CHRD: variants seen among roughly 807,000 people sequenced by gnomAD.
The protein encoded by CHRD is chordin.
Under a neutral mutation model 113.7 loss-of-function variants are expected in CHRD, and 69 were observed. The ratio of observed to expected loss-of-function variants is 0.61; its 90% confidence interval spans 0.50 to 0.74. CHRD has a LOEUF of 0.74. CHRD is among the 30% of genes least tolerant of loss of function. CHRD has a pLI of 0.00. For synonymous variants in CHRD, 561 were observed against 540.8 expected (o/e 1.04, Z -0.52); for missense variants, 1,194 against 1,295.8 (o/e 0.92, Z 1.21).
chr3:184,383,457 C>T (rs1449960555), intron 11 of CHRD, 39 bp downstream of exon 11: 12 of 1,612,500 alleles, frequency 7.4e-6, no homozygotes, highest in South Asian at 6.6e-5. Context: ...GGAGGGGTGG[C>T]GTGGGCAGCA....
In CHRD at chr3:184,380,249, C is replaced by T. The variant is rs1031842483; in HGVS notation, c.-70C>T. The stretch of plus-strand genomic sequence containing the variant: ...GGCCCGGCCCTCCGCCCTCCGCACT[C>T]CCGCCTCCCTCCCTCCGCCCGCTCC... On this transcript the variant is annotated 5_prime_UTR_variant, in exon 1 of 23. Transcript: ENST00000204604. The surrounding 1 kb of genome is among the most constrained non-coding windows in gnomAD (Gnocchi z 6.3). 5.0e-6 allele frequency: 2 copies of T among 397,710 alleles called. No homozygotes were observed. Among genetic ancestry groups the T allele is most frequent in the Non-Finnish European group, 7.3e-6 (2 of 274,328 alleles). The allele number at this position is 397,710 out of a possible 1,614,324, so 24.6% of individuals were successfully genotyped here. A position where few individuals can be genotyped will look rare whatever the true frequency, so the allele number is the denominator to read the frequency against.
chr3:184,388,993 G>A lies in CHRD; in HGVS notation c.2810G>A (p.Arg937Gln), dbSNP rs774476759. 1.0e-5 allele frequency: 16 copies of A among 1,607,712 alleles called. No individual in the cohort carries two copies. The highest frequency in any genetic ancestry group is 1.6e-4 in the Middle Eastern group (1 of 6,078). The change falls in exon 22 of 23, where the codon CGG becomes CAG. Residue 937 changes from arginine (R) to glutamine (Q), a missense_variant and splice_region_variant. Physicochemically the swap from Arg to Gln is conservative, Grantham distance 43 (BLOSUM62 1). Transcript: ENST00000204604. This position sits in a 1 kb window ranked among gnomAD's most constrained non-coding sequence, Gnocchi z 6.1. ...TGTTCCCGCTGCACGGCCCACCGGC[G>A]GCGTAAGTGAGGGAGTCCAGGGTCA... is the stretch of plus-strand genomic sequence containing the variant.
Position 184,381,495 on chromosome 3 carries a change from G to A in CHRD, c.383-1G>A. On this transcript the variant is annotated splice_acceptor_variant, in intron 3 of 22. Coordinates refer to ENST00000204604, the Ensembl canonical transcript of CHRD. LOFTEE classifies it high-confidence loss of function. The surrounding 1 kb of genome is among the most constrained non-coding windows in gnomAD (Gnocchi z 4.7). ...CCGTGTTCTTACCCCCCCGCCCGCA[G>A]AGCGCAGCAGTTCGGAGCGGCAGCC... is the stretch of plus-strand genomic sequence containing the variant. 6.3e-7 allele frequency: 1 copy of A among 1,591,048 alleles called. No homozygotes were observed. The highest frequency in any genetic ancestry group is 8.6e-7 in the Non-Finnish European group (1 of 1,169,280).
chr3:184,381,324 G>A lies in CHRD; in HGVS notation c.342G>A (p.Pro114=), dbSNP rs1168101492. 2 of 1,606,796 alleles carry A rather than the reference G, an allele frequency of 1.2e-6. No homozygotes were observed. The highest frequency in any genetic ancestry group is 1.7e-5 in the Admixed American group (1 of 59,164). The change falls in exon 3 of 23, where the codon CCG becomes CCA. Residue 114 remains proline (P), a synonymous_variant. Transcript: ENST00000204604. The surrounding 1 kb of genome is among the most constrained non-coding windows in gnomAD (Gnocchi z 4.7). ...GCCCAACCCCGGCCTGTGGGCAGCC[G>A]CGCCAGCTGCCGGGACACTGCTGCC... is the stretch of plus-strand genomic sequence containing the variant.
In CHRD at chr3:184,381,594, G is replaced by A; in HGVS notation, c.481G>A (p.Glu161Lys). 1 of 1,608,028 alleles carries A rather than the reference G, an allele frequency of 6.2e-7. No homozygotes were observed. The highest frequency in any genetic ancestry group is 8.5e-7 in the Non-Finnish European group (1 of 1,177,346). Residue 161 changes from glutamate to lysine, a missense_variant, in exon 4 of 23, where the codon GAG becomes AAG. By Grantham distance (56) the Glu-to-Lys change is moderately conservative. Coordinates refer to ENST00000204604, the Ensembl canonical transcript of CHRD. This position sits in a 1 kb window ranked among gnomAD's most constrained non-coding sequence, Gnocchi z 4.7. ...TAGCGACCGCGGGGAGCCAGGCGCT[G>A]AGGAGCGGGCCCGTGGTGACGGCCA... is the stretch of plus-strand genomic sequence containing the variant.
Position 184,384,752 on chromosome 3 carries a change from G to A in CHRD, c.1597+59G>A, listed in dbSNP as rs901546578. On this transcript the variant is annotated intron_variant, in intron 13 of 22. Transcript: ENST00000204604. This position sits in a 1 kb window ranked among gnomAD's most constrained non-coding sequence, Gnocchi z 4.4. ...TTTCCTAGAACATTTGAGGGATGGT[G>A]GCAGACAGCCGGAGCCTGGTGTGTC... The A allele has an allele frequency of 2.0e-6, 3 of 1,500,664 alleles. No individual in the cohort carries two copies. The highest frequency in any genetic ancestry group is 4.6e-5 in the East Asian group (2 of 43,700). 93.0% of individuals were successfully genotyped at this position (1,500,664 alleles called of 1,614,324 possible).
At position 184,380,774 on chromosome 3, in the gene CHRD, C is replaced by A; in HGVS notation, c.231C>A (p.Cys77Ter). Residue 77 changes from cysteine to a stop codon, truncating the protein, a stop_gained, in exon 2 of 23, where the codon TGC becomes TGA. Transcript: ENST00000204604. LOFTEE classifies it high-confidence loss of function. This position sits in a 1 kb window ranked among gnomAD's most constrained non-coding sequence, Gnocchi z 6.3. ...GGGAGCCATTCGGGGTGATGCGCTG[C>A]GTGCTGTGCGCCTGCGAGGCGGTGA... The A allele has an allele frequency of 1.3e-6, 2 of 1,598,252 alleles. No homozygotes were observed. Among genetic ancestry groups the A allele is most frequent in the South Asian group, 1.1e-5 (1 of 90,016 alleles).
chr3:184,386,327 C>A, intron 15 of CHRD, 165 bp from the exon 16 acceptor site: 1 of 1,244,490 alleles, frequency 8.0e-7, no homozygotes. Context: ...GCTGGCAGCC[C>A]GGCACCCTAT....
chr3:184,382,042 G>A (rs759537584), intron 6 of CHRD, 22 bp downstream of exon 6: 4 of 1,612,702 alleles, frequency 2.5e-6, no homozygotes, highest in Non-Finnish European at 3.4e-6. Context: ...CCATTTATGA[G>A]CACTTGCCCA....
In CHRD at chr3:184,380,408, G is replaced by C. The variant is rs1560294091; in HGVS notation, c.90G>C (p.Glu30Asp). The change falls in exon 1 of 23, where the codon GAG becomes GAC. Residue 30 changes from glutamate to aspartate, a missense_variant. Glu to Asp is a conservative substitution (Grantham distance 45, BLOSUM62 2). Transcript: ENST00000204604. This position sits in a 1 kb window ranked among gnomAD's most constrained non-coding sequence, Gnocchi z 6.3. Reference sequence around the variant, plus strand: ...GGCCGGCCCGCGGCGCCGGCCCAGAGCCCCCCGTGCTGCCCATCCGTTCTG... The same window carrying C: ...GGCCGGCCCGCGGCGCCGGCCCAGACCCCCCCGTGCTGCCCATCCGTTCTG... 1.5e-6 allele frequency: 2 copies of C among 1,336,618 alleles called. No individual in the cohort carries two copies. Among genetic ancestry groups the C allele is most frequent in the South Asian group, 3.0e-5 (2 of 66,004 alleles). The allele number at this position is 1,336,618 out of a possible 1,614,324, so 82.8% of individuals were successfully genotyped here. A position where few individuals can be genotyped will look rare whatever the true frequency, so the allele number is the denominator to read the frequency against.
At chr3:184,385,715 A>G (rs968713007) in intron 14 of CHRD, among the ~76,000 whole-genome samples, 5 of 138,884 alleles carry the variant, frequency 3.6e-5, no homozygotes, top group South Asian at 2.4e-4. Context: ...TGGGCTTGGG[A>G]GTCAGATAGA....
At position 184,380,456 on chromosome 3, in the gene CHRD, G is replaced by GAGAA; in HGVS notation, c.138_139insAGAA (p.Gly47ArgfsTer108). The GAGAA allele has an allele frequency of 8.2e-7, 1 of 1,216,232 alleles. No individual in the cohort carries two copies. The highest frequency in any genetic ancestry group is 1.0e-6 in the Non-Finnish European group (1 of 973,594). 75.3% of individuals were successfully genotyped at this position (1,216,232 alleles called of 1,614,324 possible). On this transcript the variant is annotated frameshift_variant, in exon 1 of 23. Transcript: ENST00000204604. LOFTEE classifies it high-confidence loss of function. This position sits in a 1 kb window ranked among gnomAD's most constrained non-coding sequence, Gnocchi z 6.3. Reference sequence around the variant, plus strand: ...CTGAGAAGGAGCCGCTGCCCGTTCGGGGAGCGGCAGGTAGGTGGGCGCCCG... The same window carrying GAGAA: ...CTGAGAAGGAGCCGCTGCCCGTTCGGAGAAGGAGCGGCAGGTAGGTGGGCGCCCG...
At chr3:184,383,774 A>ATTT in intron 12 of CHRD, 132 bp downstream of exon 12, 1 of 603,966 alleles carries the variant, frequency 1.7e-6, no homozygotes, top group Non-Finnish European at 2.4e-6. Flanking sequence ...TATTCATTTG[A>ATTT]CTTTTTTTTT....
chr3:184,384,754 C>G lies in CHRD; in HGVS notation c.1597+61C>G. 6.7e-7 allele frequency: 1 copy of G among 1,497,310 alleles called. No individual in the cohort carries two copies. The highest frequency in any genetic ancestry group is 1.4e-5 in the African/African-American group (1 of 71,670). 92.8% of individuals were successfully genotyped at this position (1,497,310 alleles called of 1,614,324 possible). On this transcript the variant is annotated intron_variant, in intron 13 of 22. Coordinates refer to ENST00000204604, the Ensembl canonical transcript of CHRD. The surrounding 1 kb of genome is among the most constrained non-coding windows in gnomAD (Gnocchi z 4.4). ...TCCTAGAACATTTGAGGGATGGTGG[C>G]AGACAGCCGGAGCCTGGTGTGTCTT...
Position 184,384,680 on chromosome 3 carries a change from C to A in CHRD, c.1584C>A (p.Ser528Arg). The A allele has an allele frequency of 6.4e-7, 1 of 1,564,024 alleles. No homozygotes were observed. Reference sequence around the variant, plus strand: ...CTGCCCTGCCCTACTGTGGGCATAGCGCCCGCCATGACAGTGAGTGTCCTT... The same window carrying A: ...CTGCCCTGCCCTACTGTGGGCATAGAGCCCGCCATGACAGTGAGTGTCCTT... Residue 528 changes from serine (S) to arginine (R), a missense_variant, in exon 13 of 23, where the codon AGC becomes AGA. Coordinates refer to ENST00000204604, the Ensembl canonical transcript of CHRD. This position sits in a 1 kb window ranked among gnomAD's most constrained non-coding sequence, Gnocchi z 4.4.
At position 184,380,889 on chromosome 3, in the gene CHRD, C is replaced by A; in HGVS notation, c.252+94C>A. ...TGGACTCGGAGCTGCTGAGAAGGAG[C>A]CCAGTCGGCAGATGTTGGGGATATT... is the stretch of plus-strand genomic sequence containing the variant. On this transcript the variant is annotated intron_variant, in intron 2 of 22. Coordinates refer to ENST00000204604, the Ensembl canonical transcript of CHRD. The surrounding 1 kb of genome is among the most constrained non-coding windows in gnomAD (Gnocchi z 6.3). 2 of 956,958 alleles carry A rather than the reference C, an allele frequency of 2.1e-6. No individual in the cohort carries two copies. Among genetic ancestry groups the A allele is most frequent in the East Asian group, 2.6e-5 (1 of 38,470 alleles). 59.3% of individuals were successfully genotyped at this position (956,958 alleles called of 1,614,324 possible).
chr3:184,382,297 A>G (rs953543081), intron 6 of CHRD, 92 bp from the exon 7 acceptor site: 1 of 1,575,918 alleles, frequency 6.3e-7, no homozygotes, highest in Non-Finnish European at 8.6e-7. Flanking sequence ...GTTCCTTTCC[A>G]TGTTCCTTTT....
Position 184,384,978 on chromosome 3 carries a change from C to T in CHRD, c.1598-40C>T, listed in dbSNP as rs1354702509. 3 of 1,596,262 alleles carry T rather than the reference C, an allele frequency of 1.9e-6. No individual in the cohort carries two copies. Among genetic ancestry groups the T allele is most frequent in the Admixed American group, 1.7e-5 (1 of 59,890 alleles). On this transcript the variant is annotated intron_variant, in intron 13 of 22. Transcript: ENST00000204604. The surrounding 1 kb of genome is among the most constrained non-coding windows in gnomAD (Gnocchi z 4.4). ...GCTGGGTTTGAGGGCTTGCCCTAGGCCACCTTCTCACCTGTCATCTCTCCT... is the reference window on the plus strand; with the variant it reads ...GCTGGGTTTGAGGGCTTGCCCTAGGTCACCTTCTCACCTGTCATCTCTCCT...
chr3:184,383,244 A>T, intron 10 of CHRD, 68 bp from the exon 11 acceptor site: 1 of 1,591,504 alleles, frequency 6.3e-7, no homozygotes, highest in South Asian at 1.1e-5. Flanking sequence ...TGTGGGAGAG[A>T]TCCTGTGGAC....
Sources: gnomAD v4.1 joint callset for allele counts (sites outside exome capture counted in the v4.1 genomes callset) on GRCh38, gnomAD v4.1.1 for gene constraint, Gnocchi (gnomAD v3.1) non-coding constraint, MANE v1.5 for transcripts, NCBI Gene and HGNC (gene_info 2026-07-23, HGNC 2026-07-21) for gene names.